ADAM22: variants seen among roughly 807,000 people sequenced by gnomAD.
ADAM22 encodes ADAM metallopeptidase domain 22, also known as disintegrin and metalloproteinase domain-containing protein 22.
ADAM22 carries 65 observed loss-of-function variants against 144.6 expected under a neutral mutation model. The ratio of observed to expected loss-of-function variants is 0.45; its 90% confidence interval spans 0.37 to 0.55. ADAM22 has a LOEUF of 0.55. ADAM22 is among the 20% of genes least tolerant of loss of function. ADAM22 has a pLI of 0.00. For missense variants in ADAM22, 974 were observed against 1,184.9 expected (o/e 0.82, Z 2.61); for synonymous variants, 391 against 412.6 (o/e 0.95, Z 0.63).
At chr7:88,092,191 A>G (rs191368845) in intron 4 of ADAM22, among the ~76,000 whole-genome samples, 1 of 152,310 alleles carries the variant, frequency 6.6e-6, no homozygotes, top group East Asian at 1.9e-4. Context: ...TTTATGGGCA[A>G]GAGTAACTAA....
chr7:88,096,259 G>T, intron 4 of ADAM22, among the ~76,000 whole-genome samples: 3 of 150,802 alleles, frequency 2.0e-5, no homozygotes, highest in South Asian at 2.1e-4. Context: ...CAAAGAACCA[G>T]CTTTACTTTC....
At chr7:88,124,734 G>A (rs1017975958) in intron 7 of ADAM22, among the ~76,000 whole-genome samples, 1 of 151,904 alleles carries the variant, frequency 6.6e-6, no homozygotes, top group Admixed American at 6.6e-5. Context: ...AAAATGACAT[G>A]ATGGGAGAAT....
chr7:87,970,831 T>G (rs1850258423), intron 2 of ADAM22, among the ~76,000 whole-genome samples: 1 of 152,232 alleles, frequency 6.6e-6, no homozygotes, highest in Non-Finnish European at 1.5e-5. Context: ...TAAAATTCTG[T>G]GATTCATTTT....
chr7:88,047,766 G>C (rs908714838), intron 3 of ADAM22, among the ~76,000 whole-genome samples: 3 of 152,008 alleles, frequency 2.0e-5, no homozygotes, highest in Admixed American at 2.0e-4. Flanking sequence ...ATTTTAGCGG[G>C]ATCTTTCACA....
intron 3 of ADAM22, among the ~76,000 whole-genome samples, chr7:88,002,769 A>G (rs1318540497): frequency 6.6e-6 from 1 of 152,172 alleles, no homozygotes; most frequent in East Asian, 1.9e-4. Flanking sequence ...ATAGTTAGTG[A>G]TACTAACCTC....
intron 3 of ADAM22, among the ~76,000 whole-genome samples, chr7:88,056,047 A>G (rs554924682): frequency 4.6e-5 from 7 of 152,330 alleles, no homozygotes; most frequent in East Asian, 3.9e-4. Context: ...ATTTTGGGAA[A>G]TATTCTGTTA....
chr7:88,109,976 G>A (rs576216943), intron 5 of ADAM22, among the ~76,000 whole-genome samples: 28 of 152,246 alleles, frequency 1.8e-4, no homozygotes, highest in African/African-American at 6.5e-4. Flanking sequence ...CTGGGAATAA[G>A]CATATTAGGC....
At chr7:88,078,239 A>T (rs1487818900) in intron 4 of ADAM22, among the ~76,000 whole-genome samples, 1 of 152,222 alleles carries the variant, frequency 6.6e-6, no homozygotes, top group Non-Finnish European at 1.5e-5. Flanking sequence ...CCAGGCAAAC[A>T]GGGTCTGGAG....
At chr7:87,975,231 A>T (rs1291902926) in intron 2 of ADAM22, among the ~76,000 whole-genome samples, 1 of 152,076 alleles carries the variant, frequency 6.6e-6, no homozygotes, top group East Asian at 1.9e-4. Flanking sequence ...TCTCGACAGC[A>T]TTTCTCTGTT....
intron 3 of ADAM22, among the ~76,000 whole-genome samples, chr7:88,036,873 T>C (rs1801638444): frequency 1.3e-5 from 2 of 151,972 alleles, no homozygotes; most frequent in Admixed American, 1.3e-4. Flanking sequence ...CTTTTCCTTC[T>C]TTTCTTTCTT....
intron 4 of ADAM22, among the ~76,000 whole-genome samples, chr7:88,100,071 A>G (rs539054161): frequency 2.2e-3 from 329 of 152,262 alleles, no homozygotes; most frequent in African/African-American, 7.4e-3. Context: ...TGGTTTTGAC[A>G]AATATACTAA....
In ADAM22 at chr7:88,197,362, G is replaced by C. The variant is rs1040730847; in HGVS notation, c.*871G>C. 2.6e-5 allele frequency: 4 copies of C among 152,200 alleles called. No individual in the cohort carries two copies. The highest frequency in any genetic ancestry group is 9.7e-5 in the African/African-American group (4 of 41,438). 9.4% of individuals were successfully genotyped at this position (152,200 alleles called of 1,614,324 possible). On this transcript the variant is annotated 3_prime_UTR_variant, in exon 32 of 32. Transcript: ENST00000413139. The stretch of plus-strand genomic sequence containing the variant: ...AGGCAGTTTTATTGAGTGAGTAGTT[G>C]AGTGAGAGAACAAAATGCCCAGCAA...
At chr7:88,009,719 A>C (rs1269785560) in intron 3 of ADAM22, among the ~76,000 whole-genome samples, 1 of 152,040 alleles carries the variant, frequency 6.6e-6, no homozygotes, top group African/African-American at 2.4e-5. Flanking sequence ...GACTGGAAAA[A>C]TTTTCCATAG....
rs117059954 is a variant in ADAM22, at chr7:88,046,316, A to G, written c.324-29310A>G. On this transcript the variant is annotated intron_variant, in intron 3 of 31. Transcript: ENST00000413139. ...GGTTTCACTTTGCATTTCCCTGATT[A>G]TTAATGATGTTGAGTATTTTTTCAT... 8.4e-3 allele frequency among the ~76,000 whole-genome samples: 1,284 copies of G among 152,272 alleles called. 12 individuals carry two copies. Among genetic ancestry groups the G allele is most frequent in the Non-Finnish European group, 0.014 (929 of 68,016 alleles).
rs1010362915 is a variant in ADAM22 at position 88,108,209 on chromosome 7, C to G, written c.424C>G (p.Arg142Gly). 2 of 1,613,644 alleles carry G rather than the reference C, an allele frequency of 1.2e-6. No individual in the cohort carries two copies. The highest frequency in any genetic ancestry group is 2.7e-5 in the African/African-American group (2 of 74,890). ...GEHCYYQGHIRGNPDSFVALS... is the reference protein window; with the variant it reads ...GEHCYYQGHIGGNPDSFVALS... ...GCACTGTTACTACCAGGGCCATATCCGAGGAAACCCTGACTCATTTGTTGC... is the reference window on the plus strand; with the variant it reads ...GCACTGTTACTACCAGGGCCATATCGGAGGAAACCCTGACTCATTTGTTGC... The change falls in exon 5 of 32, where the codon CGA becomes GGA. Residue 142 changes from arginine (R) to glycine (G), a missense_variant. Coordinates refer to ENST00000413139, the MANE Select transcript of ADAM22 (RefSeq NM_001324418.2).
chr7:88,082,876 T>C (rs1397512906), intron 4 of ADAM22, among the ~76,000 whole-genome samples: 1 of 152,116 alleles, frequency 6.6e-6, no homozygotes, highest in Non-Finnish European at 1.5e-5. Context: ...AGGAACACTT[T>C]TACACTGTTG....
intron 8 of ADAM22, among the ~76,000 whole-genome samples, chr7:88,127,958 A>G (rs1411450163): frequency 1.3e-5 from 2 of 152,012 alleles, no homozygotes; most frequent in East Asian, 1.9e-4. Flanking sequence ...TGGTGAGCAG[A>G]GAAAGCTAGC....
intron 3 of ADAM22, among the ~76,000 whole-genome samples, chr7:88,054,121 G>C (rs1807466813): frequency 6.6e-6 from 1 of 152,012 alleles, no homozygotes; most frequent in African/African-American, 2.4e-5. Context: ...GACAGAGCGA[G>C]ACTCCATCTC....
At chr7:87,973,650 G>A (rs1851084746) in intron 2 of ADAM22, among the ~76,000 whole-genome samples, 3 of 152,148 alleles carry the variant, frequency 2.0e-5, no homozygotes, top group South Asian at 4.2e-4. Context: ...TATGTTTATT[G>A]TGGCACTATT....
Sources: gnomAD v4.1 joint callset for allele counts (sites outside exome capture counted in the v4.1 genomes callset) on GRCh38, gnomAD v4.1.1 for gene constraint, MANE v1.5 for transcripts, NCBI Gene and HGNC (gene_info 2026-07-23, HGNC 2026-07-21) for gene names.